RNF144A: variants seen among roughly 807,000 people sequenced by gnomAD.
RNF144A encodes the protein ring finger protein 144A, also known as E3 ubiquitin-protein ligase RNF144A.
Under a neutral mutation model 38.7 loss-of-function variants are expected in RNF144A, and 11 were observed. That is an observed-to-expected ratio of 0.28 (90% CI 0.18 to 0.47). RNF144A has a LOEUF of 0.47. Among genes scored for constraint, RNF144A ranks in the 20% least tolerant of loss-of-function variants. The probability of loss-of-function intolerance (pLI) is 0.99; values close to 1 mark genes in which losing one functional copy is unlikely to be tolerated. For synonymous variants in RNF144A, 149 were observed against 143.9 expected, an observed-to-expected ratio of 1.04 and a Z score of -0.25; for missense variants, 316 against 377.2, an observed-to-expected ratio of 0.84 and a Z score of 1.34.
intron 2 of RNF144A, among the ~76,000 whole-genome samples, chr2:6,964,055 C>G (rs1268456385): frequency 6.6e-6 from 1 of 151,126 alleles, no homozygotes; most frequent in African/African-American, 2.5e-5. Flanking sequence ...GCAAGGGTAG[C>G]AGAGATGGAA....
chr2:6,956,997 G>A (rs1196441680), intron 2 of RNF144A, among the ~76,000 whole-genome samples: 1 of 152,140 alleles, frequency 6.6e-6, no homozygotes. Flanking sequence ...CTTCCTGAAC[G>A]TGTGAGGAAG....
intron 1 of RNF144A, among the ~76,000 whole-genome samples, chr2:6,928,449 C>T (rs1466427024): frequency 6.6e-6 from 1 of 152,178 alleles, no homozygotes; most frequent in Non-Finnish European, 1.5e-5. Context: ...ATTTGATTCC[C>T]AGTGAAGACT....
intron 1 of RNF144A, among the ~76,000 whole-genome samples, chr2:6,919,892 G>A (rs1261054258): frequency 6.6e-6 from 1 of 152,186 alleles, no homozygotes; most frequent in Admixed American, 6.5e-5. Flanking sequence ...TGTGCCATGA[G>A]GATTTGGGAA....
Position 7,043,255 on chromosome 2 carries a change from C to T in RNF144A, c.*3495C>T. ...CACAGGCCAGTTCCTGATTAGAACA[C>T]AGGACCTGTGGGAGGGACTATCAGA... On this transcript the variant is annotated 3_prime_UTR_variant, in exon 9 of 9. Transcript: ENST00000320892. 1.0e-6 allele frequency: 1 copy of T among 984,946 alleles called. No homozygotes were observed. The highest frequency in any genetic ancestry group is 1.2e-6 in the Non-Finnish European group (1 of 829,500). 61.0% of individuals were successfully genotyped at this position (984,946 alleles called of 1,614,324 possible).
At position 7,043,484 on chromosome 2, in the gene RNF144A, G is replaced by A; in HGVS notation, c.*3724G>A. ...CCTGTGTATATATATAAATCACAAG[G>A]AGATCATCAAGGGAAAACATTTTGC... On this transcript the variant is annotated 3_prime_UTR_variant, in exon 9 of 9. Transcript: ENST00000320892. 3.0e-6 allele frequency: 3 copies of A among 985,726 alleles called. No homozygotes were observed. In the South Asian group the frequency reaches 1.4e-4, roughly 46 times the overall value. The allele number at this position is 985,726 out of a possible 1,614,324, so 61.1% of individuals were successfully genotyped here.
chr2:6,957,624 T>C (rs1667093007), intron 2 of RNF144A, among the ~76,000 whole-genome samples: 1 of 152,158 alleles, frequency 6.6e-6, no homozygotes, highest in Admixed American at 6.5e-5. Context: ...TCTGCACACT[T>C]TTGCATAGAG....
intron 6 of RNF144A, among the ~76,000 whole-genome samples, chr2:7,054,739 C>G (rs1673663836): frequency 6.6e-6 from 1 of 152,190 alleles, no homozygotes; most frequent in Admixed American, 6.5e-5. Flanking sequence ...GCTGTCCTCA[C>G]CAGAACCACA....
intron 8 of RNF144A, among the ~76,000 whole-genome samples, chr2:7,037,239 C>T (rs1039453424): frequency 1.3e-5 from 2 of 152,312 alleles, no homozygotes; most frequent in East Asian, 1.9e-4. Flanking sequence ...ATTGGCAATA[C>T]GTTGGGTAAC....
intron 3 of RNF144A, among the ~76,000 whole-genome samples, chr2:7,000,803 A>G (rs919053717): frequency 1.3e-5 from 2 of 151,674 alleles, no homozygotes; most frequent in Admixed American, 6.6e-5. Context: ...TGATGACAAG[A>G]TTGAATAAGC....
chr2:7,041,682 A>G lies in RNF144A; in HGVS notation c.*1922A>G. ...AGCTGTCCAGCCACTGCCCTTTAAC[A>G]TGCCCAGCACACATGGGAGGCCTGT... On this transcript the variant is annotated 3_prime_UTR_variant, in exon 9 of 9. Coordinates refer to ENST00000320892, the MANE Select transcript of RNF144A (RefSeq NM_014746.6). 2.0e-6 allele frequency: 2 copies of G among 985,380 alleles called. No individual in the cohort carries two copies. The highest frequency in any genetic ancestry group is 1.7e-5 in the African/African-American group (1 of 57,302). The allele number at this position is 985,380 out of a possible 1,614,324, so 61.0% of individuals were successfully genotyped here.
intron 2 of RNF144A, among the ~76,000 whole-genome samples, chr2:6,994,743 A>G (rs1669612784): frequency 6.6e-6 from 1 of 152,212 alleles, no homozygotes. Flanking sequence ...TCCTTTTGTA[A>G]CAGGGAAGAC....
At chr2:7,014,593 T>C in intron 4 of RNF144A, 35 bp downstream of exon 4, 1 of 1,518,368 alleles carries the variant, frequency 6.6e-7, no homozygotes, top group Non-Finnish European at 9.1e-7. Context: ...CTGTTTGATG[T>C]GCACAGGCGT....
At chr2:7,054,976 T>G (rs1673674753) in intron 6 of RNF144A, among the ~76,000 whole-genome samples, 1 of 152,198 alleles carries the variant, frequency 6.6e-6, no homozygotes, top group Non-Finnish European at 1.5e-5. Context: ...CCTCTCCTGC[T>G]GAAGCCACTA....
chr2:7,001,570 A>G (rs570207127), intron 3 of RNF144A, among the ~76,000 whole-genome samples: 1 of 152,130 alleles, frequency 6.6e-6, no homozygotes, highest in South Asian at 2.1e-4. Context: ...CCAGCTACTC[A>G]GGAAGCTGAA....
chr2:6,966,605 A>G (rs978395514), intron 2 of RNF144A, among the ~76,000 whole-genome samples: 1 of 152,230 alleles, frequency 6.6e-6, no homozygotes, highest in Non-Finnish European at 1.5e-5. Context: ...TTAAGAGGTT[A>G]ATAGTAGCCA....
intron 6 of RNF144A, among the ~76,000 whole-genome samples, chr2:7,055,283 T>C (rs1441703196): frequency 6.6e-6 from 1 of 152,190 alleles, no homozygotes; most frequent in Non-Finnish European, 1.5e-5. Flanking sequence ...GCTGAAACTG[T>C]TTCTCTGAGC....
At chr2:7,068,380 A>T (rs140654371), downstream of RNF144A, 641 of 577,140 alleles carry the variant, frequency 1.1e-3, 3 homozygotes, top group African/African-American at 0.011. Context: ...GGTAGGATCT[A>T]ATGATTGGCT....
intron 1 of RNF144A, among the ~76,000 whole-genome samples, chr2:6,937,723 G>T (rs1665679726): frequency 6.6e-6 from 1 of 152,170 alleles, no homozygotes; most frequent in South Asian, 2.1e-4. Context: ...GGAGGGGAGA[G>T]GCTTGCTCTG....
intron 2 of RNF144A, among the ~76,000 whole-genome samples, chr2:6,978,111 C>T (rs926493353): frequency 6.6e-6 from 1 of 152,014 alleles, no homozygotes; most frequent in African/African-American, 2.4e-5. Context: ...GGTGTGGGCA[C>T]CCTCGTGAGG....
Sources: gnomAD v4.1 joint callset for allele counts (sites outside exome capture counted in the v4.1 genomes callset) on GRCh38, gnomAD v4.1.1 for gene constraint, MANE v1.5 for transcripts, NCBI Gene and HGNC (gene_info 2026-07-23, HGNC 2026-07-21) for gene names.